CFAP299: variants seen among roughly 807,000 people sequenced by gnomAD.
The protein encoded by CFAP299 is cilia- and flagella-associated protein 299.
CFAP299 carries 21 observed loss-of-function variants against 27.0 expected under a neutral mutation model. The ratio of observed to expected loss-of-function variants is 0.78; its 90% CI spans 0.55 to 1.12. The LOEUF (loss-of-function observed/expected upper bound fraction) is 1.12, where lower values mean the gene tolerates loss of function less well. CFAP299 is among the 50% of genes most tolerant of loss of function. CFAP299 has a pLI of 0.00. For missense variants in CFAP299, 310 were observed against 276.6 expected, an observed-to-expected ratio of 1.12 and a Z score of -0.86; for synonymous variants, 104 against 98.1, an observed-to-expected ratio of 1.06 and a Z score of -0.36.
At chr4:80,910,055 G>T (rs986243953) in intron 4 of CFAP299, among the ~76,000 whole-genome samples, 6 of 152,054 alleles carry the variant, frequency 3.9e-5, no homozygotes, top group Non-Finnish European at 7.4e-5. Flanking sequence ...CTGAATATAT[G>T]TCTGATTCCA....
Position 80,698,829 on chromosome 4 carries a change from G to A in CFAP299, c.333+115646G>A, listed in dbSNP as rs148947993. On this transcript the variant is annotated intron_variant, in intron 3 of 5. Coordinates refer to ENST00000358105, the MANE Select transcript of CFAP299 (RefSeq NM_152770.3). ...CCCTTATAAAACCATCAGATTTTGT[G>A]AGAACTCACTCACTATCATGAGAAC... Among the ~76,000 whole-genome samples the A allele has an allele frequency of 9.0e-3, 1,364 of 152,194 alleles. 20 individuals carry two copies. Among genetic ancestry groups the A allele is most frequent in the African/African-American group, 0.03 (1,258 of 41,508 alleles).
chr4:80,637,167 T>G (rs1389778170), intron 3 of CFAP299, among the ~76,000 whole-genome samples: 1 of 152,166 alleles, frequency 6.6e-6, no homozygotes, highest in East Asian at 1.9e-4. Context: ...TCCCACTATA[T>G]AATGTTTAAT....
chr4:80,332,071 G>A (rs76135812), upstream of CFAP299, among the ~76,000 whole-genome samples: 1,912 of 152,314 alleles, frequency 0.013, 34 homozygotes, highest in African/African-American at 0.041. Flanking sequence ...AGAGAATCTC[G>A]AAGAGAAGAG....
At chr4:80,663,896 GT>G (rs994549040) in intron 3 of CFAP299, among the ~76,000 whole-genome samples, 8 of 151,984 alleles carry the variant, frequency 5.3e-5, no homozygotes, top group South Asian at 2.1e-4. Context: ...GTAATTATGA[GT>G]TTTTTTTCAT....
At chr4:80,575,930 G>A (rs867366613) in intron 2 of CFAP299, among the ~76,000 whole-genome samples, 28 of 151,686 alleles carry the variant, frequency 1.8e-4, no homozygotes, top group South Asian at 6.3e-4. Flanking sequence ...GCAAACTATC[G>A]CAAGGACAAA....
intron 3 of CFAP299, among the ~76,000 whole-genome samples, chr4:80,831,003 T>G (rs889778754): frequency 3.9e-5 from 6 of 152,088 alleles, no homozygotes; most frequent in African/African-American, 1.4e-4. Flanking sequence ...GGCTAACATG[T>G]TCAGTGTTGC....
intron 3 of CFAP299, among the ~76,000 whole-genome samples, chr4:80,733,602 C>T (rs1723670068): frequency 6.6e-6 from 1 of 151,986 alleles, no homozygotes; most frequent in African/African-American, 2.4e-5. Flanking sequence ...TAATTTACCC[C>T]ATTCCCTGCC....
chr4:80,892,163 T>C (rs1339301095), intron 4 of CFAP299, among the ~76,000 whole-genome samples: 1 of 151,896 alleles, frequency 6.6e-6, no homozygotes, highest in African/African-American at 2.4e-5. Flanking sequence ...AACAAACATA[T>C]AGACCAGTGA....
At chr4:80,658,566 A>G in intron 3 of CFAP299, among the ~76,000 whole-genome samples, 1 of 152,154 alleles carries the variant, frequency 6.6e-6, no homozygotes, top group East Asian at 1.9e-4. Flanking sequence ...CCAGCCTTGC[A>G]TCATTGATAC....
At chr4:80,725,344 T>G (rs1030054446) in intron 3 of CFAP299, among the ~76,000 whole-genome samples, 1 of 152,100 alleles carries the variant, frequency 6.6e-6, no homozygotes, top group African/African-American at 2.4e-5. Flanking sequence ...GTAAAATTTC[T>G]ATTTTTTTCT....
intron 3 of CFAP299, among the ~76,000 whole-genome samples, chr4:80,625,084 A>G (rs1046158005): frequency 2.3e-4 from 35 of 152,274 alleles, no homozygotes; most frequent in South Asian, 1.5e-3. Context: ...ACATGGTTCA[A>G]TTCAAAACAC....
At chr4:80,768,512 T>C (rs1166347959) in intron 3 of CFAP299, among the ~76,000 whole-genome samples, 1 of 152,116 alleles carries the variant, frequency 6.6e-6, no homozygotes, top group Non-Finnish European at 1.5e-5. Flanking sequence ...CACAGTAGAG[T>C]CAAACTGGCA....
At chr4:80,844,437 A>T (rs922781877) in intron 3 of CFAP299, among the ~76,000 whole-genome samples, 10 of 152,106 alleles carry the variant, frequency 6.6e-5, no homozygotes, top group African/African-American at 2.4e-4. Flanking sequence ...CTTTTTAATG[A>T]TCACCATTCT....
intron 3 of CFAP299, among the ~76,000 whole-genome samples, chr4:80,697,760 A>C (rs1285211621): frequency 1.3e-5 from 2 of 152,202 alleles, no homozygotes; most frequent in Non-Finnish European, 2.9e-5. Flanking sequence ...GCTGCCATCC[A>C]GCTTTCAATG....
At chr4:80,387,246 G>T (rs1725064165) in intron 2 of CFAP299, 1 of 1,583,828 alleles carries the variant, frequency 6.3e-7, no homozygotes, top group African/African-American at 1.3e-5. Flanking sequence ...TTGCAGAAGT[G>T]GCCGGGGTAG....
intron 3 of CFAP299, among the ~76,000 whole-genome samples, chr4:80,645,770 C>A (rs1446776873): frequency 6.6e-6 from 1 of 152,064 alleles, no homozygotes; most frequent in African/African-American, 2.4e-5. Context: ...TGTTTGGCCC[C>A]TATCATGTGT....
intron 3 of CFAP299, among the ~76,000 whole-genome samples, chr4:80,612,905 G>A (rs1738072861): frequency 6.6e-6 from 1 of 152,022 alleles, no homozygotes; most frequent in South Asian, 2.1e-4. Context: ...ACCTTCTAAA[G>A]ATAAAAAACA....
chr4:80,654,302 C>A (rs1045923217), intron 3 of CFAP299, among the ~76,000 whole-genome samples: 30 of 152,012 alleles, frequency 2.0e-4, no homozygotes, highest in Non-Finnish European at 3.7e-4. Flanking sequence ...TTACTCAGAG[C>A]AGATATTTTG....
At chr4:80,572,699 A>G (rs1735654014) in intron 2 of CFAP299, among the ~76,000 whole-genome samples, 1 of 150,952 alleles carries the variant, frequency 6.6e-6, no homozygotes, top group Admixed American at 6.6e-5. Flanking sequence ...TTTTATCTTT[A>G]GCAGAGATGG....
Sources: allele counts gnomAD v4.1 joint callset (sites outside exome capture counted in the v4.1 genomes callset), GRCh38; gene constraint gnomAD v4.1.1; transcripts MANE v1.5; gene names NCBI Gene and HGNC (gene_info 2026-07-23, HGNC 2026-07-21).